EXOC6B: variants seen among roughly 807,000 people sequenced by gnomAD.
EXOC6B encodes exocyst complex component 6B.
A neutral mutation model predicts 113.5 loss-of-function variants in EXOC6B; 54 were observed. The ratio of observed to expected loss-of-function variants is 0.48; its 90% confidence interval spans 0.38 to 0.60. EXOC6B has a LOEUF of 0.60. Ranked by LOEUF, EXOC6B falls within the 20% of genes least tolerant of loss-of-function variation. EXOC6B has a pLI of 0.00. For synonymous variants in EXOC6B, 357 were observed against 339.0 expected (o/e 1.05, Z -0.58); for missense variants, 797 against 977.5 (o/e 0.82, Z 2.46).
chr2:72,667,121 C>T (rs530715703), intron 6 of EXOC6B, among the ~76,000 whole-genome samples: 1 of 152,180 alleles, frequency 6.6e-6, no homozygotes, highest in East Asian at 1.9e-4. Flanking sequence ...CCTTTGTCTC[C>T]CAAAGTGATG....
At position 72,564,348 on chromosome 2, in the gene EXOC6B, A is replaced by C. The variant is rs576890178; in HGVS notation, c.847-4827T>G. ...GGCTTTCAAAGTAGATGGATCATCCAAAAAGAGTTTGACAGAGATTTGCAA... is the reference window on the plus strand; with the variant it reads ...GGCTTTCAAAGTAGATGGATCATCCCAAAAGAGTTTGACAGAGATTTGCAA... On this transcript the variant is annotated intron_variant, in intron 7 of 21. Coordinates refer to ENST00000272427, the MANE Select transcript of EXOC6B (RefSeq NM_015189.3). Among the ~76,000 whole-genome samples the C allele has an allele frequency of 5.9e-5, 9 of 152,330 alleles. No individual in the cohort carries two copies. The East Asian group carries it at 1.7e-3, about 29-fold the overall frequency.
At chr2:72,509,746 GAAC>G (rs1480913708) in intron 11 of EXOC6B, among the ~76,000 whole-genome samples, 2 of 151,932 alleles carry the variant, frequency 1.3e-5, no homozygotes, top group Non-Finnish European at 2.9e-5. Context: ...CAATGTATAT[GAAC>G]AAGAAATTCT....
At chr2:72,794,483 T>C (rs1008398006) in intron 1 of EXOC6B, among the ~76,000 whole-genome samples, 2 of 152,118 alleles carry the variant, frequency 1.3e-5, no homozygotes, top group South Asian at 4.1e-4. Flanking sequence ...AAAATTCATA[T>C]AAAACATACT....
intron 6 of EXOC6B, among the ~76,000 whole-genome samples, chr2:72,582,473 T>C (rs1705284428): frequency 6.6e-6 from 1 of 152,186 alleles, no homozygotes; most frequent in Non-Finnish European, 1.5e-5. Context: ...GATGAGATCA[T>C]ACCACTACAC....
intron 20 of EXOC6B, among the ~76,000 whole-genome samples, chr2:72,292,535 T>TTG (rs142332997): frequency 0.013 from 1,810 of 134,086 alleles, 20 homozygotes; most frequent in African/African-American, 0.033. Context: ...CATGCACGCT[T>TTG]TGTGTGTGTG....
chr2:72,742,701 C>CAG (rs1488832580), intron 1 of EXOC6B, among the ~76,000 whole-genome samples: 12 of 152,106 alleles, frequency 7.9e-5, no homozygotes, highest in African/African-American at 2.9e-4. Context: ...TCTCAATATC[C>CAG]ATTCTCAGCT....
intron 10 of EXOC6B, among the ~76,000 whole-genome samples, chr2:72,513,815 A>G (rs1350796710): frequency 1.3e-5 from 2 of 152,052 alleles, no homozygotes; most frequent in African/African-American, 4.8e-5. Context: ...TTTTGTTATT[A>G]TGCATTTAAA....
intron 6 of EXOC6B, among the ~76,000 whole-genome samples, chr2:72,689,809 C>A (rs1340619744): frequency 6.6e-6 from 1 of 152,202 alleles, no homozygotes; most frequent in Non-Finnish European, 1.5e-5. Context: ...TAGCTAGGTG[C>A]ATACTCAAGT....
At chr2:72,755,832 G>A (rs1682378917) in intron 1 of EXOC6B, among the ~76,000 whole-genome samples, 1 of 152,138 alleles carries the variant, frequency 6.6e-6, no homozygotes, top group South Asian at 2.1e-4. Context: ...AGAAGGGGGA[G>A]GGTGACAGCA....
intron 8 of EXOC6B, among the ~76,000 whole-genome samples, chr2:72,534,610 A>T (rs1258109074): frequency 6.6e-6 from 1 of 152,192 alleles, no homozygotes; most frequent in Non-Finnish European, 1.5e-5. Flanking sequence ...ATAAAGAATT[A>T]ATATACATTA....
At chr2:72,642,909 A>C (rs1489793158) in intron 6 of EXOC6B, among the ~76,000 whole-genome samples, 6 of 148,520 alleles carry the variant, frequency 4.0e-5, no homozygotes, top group South Asian at 4.3e-4. Flanking sequence ...AACTCAAACA[A>C]ATTTACAAGA....
chr2:72,186,997 A>G (rs1678478014), intron 20 of EXOC6B, among the ~76,000 whole-genome samples: 1 of 152,136 alleles, frequency 6.6e-6, no homozygotes, highest in Non-Finnish European at 1.5e-5. Flanking sequence ...CACTGGAGTC[A>G]GGTGTGGAGC....
intron 18 of EXOC6B, among the ~76,000 whole-genome samples, chr2:72,437,301 T>C (rs113446956): frequency 3.9e-5 from 6 of 152,332 alleles, no homozygotes; most frequent in African/African-American, 1.4e-4. Context: ...TGCCCAATGC[T>C]AGCCAGAGCT....
chr2:72,437,319 A>G (rs1303697211), intron 18 of EXOC6B, among the ~76,000 whole-genome samples: 2 of 152,172 alleles, frequency 1.3e-5, no homozygotes, highest in African/African-American at 4.8e-5. Flanking sequence ...GCTCTCCTGT[A>G]TGAGGTGCCT....
At chr2:72,384,074 A>C (rs1691850021) in intron 18 of EXOC6B, among the ~76,000 whole-genome samples, 1 of 152,130 alleles carries the variant, frequency 6.6e-6, no homozygotes, top group Non-Finnish European at 1.5e-5. Flanking sequence ...GGGTGATGAC[A>C]TAATCTGTAC....
intron 20 of EXOC6B, among the ~76,000 whole-genome samples, chr2:72,301,173 C>T (rs1686503202): frequency 6.6e-6 from 1 of 152,098 alleles, no homozygotes; most frequent in Non-Finnish European, 1.5e-5. Context: ...TTGAACCAAC[C>T]TTCTATCTCA....
chr2:72,772,784 T>C (rs540663166), intron 1 of EXOC6B, among the ~76,000 whole-genome samples: 4 of 152,246 alleles, frequency 2.6e-5, no homozygotes, highest in African/African-American at 9.6e-5. Context: ...GGTGATGGGC[T>C]TTCCCTGCCA....
Position 72,465,203 on chromosome 2 carries a change from A to C in EXOC6B, c.1937T>G (p.Ile646Ser). The C allele has an allele frequency of 6.2e-7, 1 of 1,612,338 alleles. No individual in the cohort carries two copies. Among genetic ancestry groups the C allele is most frequent in the Non-Finnish European group, 8.5e-7 (1 of 1,179,234 alleles). ...NKASDYLVDL[I>S]AFLRSTFAVF... is the part of the protein sequence containing the mutation. ...AGCAAAGGTGCTACGAAGAAAGGCA[A>C]TGAGGTCTACCAGGTAATCACTAGC... The change falls in exon 18 of 22, where the codon ATT becomes AGT. Residue 646 changes from isoleucine to serine, a missense_variant. Transcript: ENST00000272427.
At chr2:72,665,052 G>T (rs1675292116) in intron 6 of EXOC6B, among the ~76,000 whole-genome samples, 1 of 152,204 alleles carries the variant, frequency 6.6e-6, no homozygotes, top group Non-Finnish European at 1.5e-5. Flanking sequence ...GTGGGTTCGA[G>T]GGCTGGCACA....
Sources: allele counts gnomAD v4.1 joint callset (sites outside exome capture counted in the v4.1 genomes callset), GRCh38; gene constraint gnomAD v4.1.1; transcripts MANE v1.5; gene names NCBI Gene and HGNC (gene_info 2026-07-23, HGNC 2026-07-21).